Variants in CCDC57 observed in about 807,000 individuals in gnomAD.
The protein encoded by CCDC57 is coiled-coil domain containing 57, also known as coiled-coil domain-containing protein 57.
Under a neutral mutation model 118.9 loss-of-function variants are expected in CCDC57, and 118 were observed. The observed-to-expected ratio is 0.99, with a 90% CI of 0.86 to 1.16. The LOEUF is 1.16. CCDC57 is among the 50% of genes most tolerant of loss of function. The probability of loss-of-function intolerance (pLI) is 0.00; values close to 1 mark genes in which losing one functional copy is unlikely to be tolerated. For missense variants in CCDC57, 1,300 were observed against 1,320.7 expected (o/e 0.98, Z 0.24); for synonymous variants, 527 against 532.9 (o/e 0.99, Z 0.15).
intron 8 of CCDC57, among the ~76,000 whole-genome samples, chr17:82,186,522 T>C (rs1178488926): frequency 6.6e-6 from 1 of 152,194 alleles, no homozygotes; most frequent in Non-Finnish European, 1.5e-5. Context: ...ACCACTCTGC[T>C]TGAATCTGAC....
chr17:82,111,060 A>C (rs1041006003), intron 19 of CCDC57, among the ~76,000 whole-genome samples: 5 of 152,076 alleles, frequency 3.3e-5, no homozygotes, highest in Admixed American at 3.3e-4. Context: ...CTCAGCACAA[A>C]AACAGAATCA....
At chr17:82,150,295 TGGTGCACACCCAGAACCA>T (rs1385596474) in intron 16 of CCDC57, among the ~76,000 whole-genome samples, 13 of 115,284 alleles carry the variant, frequency 1.1e-4, no homozygotes, top group African/African-American at 3.1e-4. Flanking sequence ...ACCCAGAACC[TGGTGCACACCCAGAACCA>T]GGTGCACACT....
At chr17:82,179,338 G>A in intron 9 of CCDC57, 149 bp from the exon 9 acceptor site, 1 of 838,896 alleles carries the variant, frequency 1.2e-6, no homozygotes, top group Non-Finnish European at 1.8e-6. Context: ...GAGCTCCTGT[G>A]GATGGGCACA....
Position 82,127,687 on chromosome 17 carries a change from C to A in CCDC57, c.2899+5G>T. The A allele has an allele frequency of 1.3e-6, 2 of 1,595,134 alleles. No individual in the cohort carries two copies. Among genetic ancestry groups the A allele is most frequent in the South Asian group, 2.2e-5 (2 of 88,908 alleles). On this transcript the variant is annotated splice_donor_5th_base_variant and intron_variant, in intron 19 of 19. Transcript: ENST00000665763. ...GGGCAGCTCCTGGGGAGGGCAGTCT[C>A]CTACCTGGAGTTGAGTCACCCTGGG...
rs2040024525 is a variant in CCDC57 at position 82,141,646 on chromosome 17, C to G, written c.2456-7452G>C. Among the ~76,000 whole-genome samples, 3 of 152,300 alleles carry G rather than the reference C, an allele frequency of 2.0e-5. No individual in the cohort carries two copies. In the South Asian group the frequency reaches 6.2e-4, roughly 32 times the overall value. ...ACAAACCAGCTCCATTTTGTGAGAT[C>G]AGGAACAACCTTTCTGATCCTTTTG... On this transcript the variant is annotated intron_variant, in intron 16 of 19. Transcript: ENST00000665763.
At position 82,138,637 on chromosome 17, in the gene CCDC57, C is replaced by T. The variant is rs371577652; in HGVS notation, c.2456-4443G>A. 1.0e-4 allele frequency among the ~76,000 whole-genome samples: 15 copies of T among 147,734 alleles called. No individual in the cohort carries two copies. In the East Asian group the frequency reaches 1.9e-3, roughly 19 times the overall value. On this transcript the variant is annotated intron_variant, in intron 16 of 19. Transcript: ENST00000665763. ...GAGTGCCACGGGAAGACTGCCGAGT[C>T]GGAAGAGACGCATGGCCTGCCCCGG...
intron 17 of CCDC57, among the ~76,000 whole-genome samples, chr17:82,132,106 G>GGCCCTGTCTCAAAGGACAAAAAAAAA (rs2038461207): frequency 7.1e-6 from 1 of 141,082 alleles, no homozygotes; most frequent in African/African-American, 2.7e-5. Flanking sequence ...GTGACAGAGC[G>GGCCCTGTCTCAAAGGACAAAAAAAAA]AGACTCTGTC....
At chr17:82,206,892 C>T (rs1236814312) in intron 2 of CCDC57, among the ~76,000 whole-genome samples, 2 of 152,194 alleles carry the variant, frequency 1.3e-5, no homozygotes, top group African/African-American at 4.8e-5. Flanking sequence ...CCAAGCTCTC[C>T]TTGTTCATTC....
chr17:82,150,388 C>A (rs1249896595), intron 16 of CCDC57, among the ~76,000 whole-genome samples: 37 of 97,612 alleles, frequency 3.8e-4, no homozygotes, highest in South Asian at 3.6e-4. Context: ...CAGAACCAGG[C>A]GCACACCCAG....
Position 82,128,058 on chromosome 17 carries a change from G to A in CCDC57, c.2683-150C>T. ...ATGCTCCCAGGATCACCCAGGAGAG[G>A]CAGCTGCAGACAGGGATGCATCCGG... is the stretch of plus-strand genomic sequence containing the variant. On this transcript the variant is annotated intron_variant, in intron 18 of 19. Coordinates refer to ENST00000665763, the Ensembl canonical transcript of CCDC57. 3.3e-6 allele frequency: 4 copies of A among 1,207,886 alleles called. No homozygotes were observed. In the East Asian group the frequency reaches 7.9e-5, roughly 24 times the overall value. 74.8% of individuals were successfully genotyped at this position (1,207,886 alleles called of 1,614,324 possible). A position where few individuals can be genotyped will look rare whatever the true frequency, so the allele number is the denominator to read the frequency against.
At chr17:82,189,261 C>G (rs1194241201) in intron 7 of CCDC57, among the ~76,000 whole-genome samples, 1 of 151,954 alleles carries the variant, frequency 6.6e-6, no homozygotes, top group Non-Finnish European at 1.5e-5. Flanking sequence ...CAGTGAGACC[C>G]TGTCTCAAAA....
At chr17:82,200,614 T>C (rs539872198) in intron 3 of CCDC57, among the ~76,000 whole-genome samples, 2 of 151,714 alleles carry the variant, frequency 1.3e-5, no homozygotes, top group East Asian at 3.9e-4. Context: ...CAAAACCCCG[T>C]CTCTACTAAA....
chr17:82,122,663 A>G (rs1250277225), intron 19 of CCDC57, among the ~76,000 whole-genome samples: 1 of 152,150 alleles, frequency 6.6e-6, no homozygotes, highest in Non-Finnish European at 1.5e-5. Flanking sequence ...CAGGCTGGGC[A>G]AGTGCACAGC....
At chr17:82,188,449 C>T in intron 7 of CCDC57, 30 bp from the exon 7 acceptor site, 3 of 1,591,546 alleles carry the variant, frequency 1.9e-6, no homozygotes, top group Non-Finnish European at 1.7e-6. Flanking sequence ...CCATGGCGCT[C>T]ACCCAGCCCC....
chr17:82,195,431 G>A, intron 4 of CCDC57, 67 bp from the exon 4 acceptor site: 16 of 1,228,560 alleles, frequency 1.3e-5, no homozygotes, highest in South Asian at 3.9e-5. Context: ...CCCACGTCCT[G>A]GGAGGTGGGA....
chr17:82,122,156 C>A (rs2036791415), intron 19 of CCDC57, among the ~76,000 whole-genome samples: 1 of 152,222 alleles, frequency 6.6e-6, no homozygotes, highest in Non-Finnish European at 1.5e-5. Flanking sequence ...GCCTCCTACA[C>A]CGCTCCTTCC....
chr17:82,206,372 G>A (rs911317250), intron 2 of CCDC57, among the ~76,000 whole-genome samples: 2 of 152,204 alleles, frequency 1.3e-5, no homozygotes, highest in Admixed American at 6.5e-5. Flanking sequence ...AATGTTGGGC[G>A]TGTCAGGCCT....
At chr17:82,207,377 T>G (rs2049796960) in intron 2 of CCDC57, among the ~76,000 whole-genome samples, 1 of 149,714 alleles carries the variant, frequency 6.7e-6, no homozygotes, top group African/African-American at 2.5e-5. Context: ...GGTTTAGGAG[T>G]CATGCAGCTA....
intron 14 of CCDC57, among the ~76,000 whole-genome samples, 193 bp downstream of exon 13, chr17:82,163,007 C>T (rs1225656442): frequency 6.6e-6 from 1 of 152,230 alleles, no homozygotes; most frequent in African/African-American, 2.4e-5. Context: ...GGCACGCCTT[C>T]CACGAGCACA....
Sources: allele counts gnomAD v4.1 joint callset (sites outside exome capture counted in the v4.1 genomes callset), GRCh38; gene constraint gnomAD v4.1.1; transcripts MANE v1.5; gene names NCBI Gene and HGNC (gene_info 2026-07-23, HGNC 2026-07-21).